The following SEMA5A variants were observed in gnomAD, a reference collection of about 807,000 sequenced individuals.
SEMA5A encodes semaphorin 5A.
Under a neutral mutation model 135.5 loss-of-function variants are expected in SEMA5A, and 55 were observed. That is an observed-to-expected ratio of 0.41 (90% confidence interval 0.33 to 0.51). The LOEUF is 0.51. SEMA5A is among the 20% of genes least tolerant of loss of function. The pLI, the probability that SEMA5A is intolerant of heterozygous loss-of-function variation, is 0.37. For missense variants in SEMA5A, 1,290 were observed against 1,419.9 expected (o/e 0.91, Z 1.47); for synonymous variants, 580 against 546.5 (o/e 1.06, Z -0.85).
intron 2 of SEMA5A, among the ~76,000 whole-genome samples, chr5:9,428,309 C>T (rs185982880): frequency 3.9e-5 from 6 of 152,226 alleles, no homozygotes; most frequent in Non-Finnish European, 7.4e-5. Context: ...GAGCTTGGCT[C>T]ACCCCACAAC....
At chr5:9,115,954 A>G (rs940493700) in intron 15 of SEMA5A, among the ~76,000 whole-genome samples, 1 of 152,202 alleles carries the variant, frequency 6.6e-6, no homozygotes, top group Non-Finnish European at 1.5e-5. Flanking sequence ...TGGATTTTAA[A>G]AGGCAAGTGA....
rs375296601 is a variant in SEMA5A, at chr5:9,532,690, G to A, written c.-175+12894C>T. 1.1e-4 allele frequency among the ~76,000 whole-genome samples: 17 copies of A among 152,298 alleles called. No homozygotes were observed. The East Asian group carries it at 1.7e-3, about 16-fold the overall frequency. On this transcript the variant is annotated intron_variant, in intron 1 of 22. Transcript: ENST00000382496. ...ATTTGTCTCTCCGATGATTGGGGAC[G>A]AGTGTTATCACAGATCTTTTCACAG...
At chr5:9,387,988 A>G (rs1755970954) in intron 2 of SEMA5A, among the ~76,000 whole-genome samples, 2 of 152,200 alleles carry the variant, frequency 1.3e-5, no homozygotes, top group African/African-American at 4.8e-5. Flanking sequence ...GAAGTTTGTC[A>G]TAAATGAATT....
At chr5:9,161,950 A>ATCCTT (rs1157754711) in intron 11 of SEMA5A, among the ~76,000 whole-genome samples, 1 of 152,198 alleles carries the variant, frequency 6.6e-6, no homozygotes, top group Non-Finnish European at 1.5e-5. Context: ...TGGTCTCTAA[A>ATCCTT]TCCTTACCTG....
intron 11 of SEMA5A, among the ~76,000 whole-genome samples, chr5:9,170,603 T>C (rs1743864260): frequency 1.3e-5 from 2 of 152,020 alleles, no homozygotes. Context: ...ATTCATGCCC[T>C]TATAAAATAG....
chr5:9,173,976 G>A (rs903802019), intron 11 of SEMA5A, among the ~76,000 whole-genome samples: 4 of 152,244 alleles, frequency 2.6e-5, no homozygotes, highest in South Asian at 2.1e-4. Context: ...CTTAAGAAAC[G>A]TAGTGTTGGA....
chr5:9,472,565 G>A (rs1291533465), intron 1 of SEMA5A, among the ~76,000 whole-genome samples: 1 of 152,188 alleles, frequency 6.6e-6, no homozygotes, highest in Non-Finnish European at 1.5e-5. Context: ...GTCTAAAATG[G>A]CAGATCCTGA....
intron 2 of SEMA5A, among the ~76,000 whole-genome samples, chr5:9,435,395 A>G (rs1757993522): frequency 6.6e-6 from 1 of 152,194 alleles, no homozygotes; most frequent in African/African-American, 2.4e-5. Flanking sequence ...CCAGGCCCTA[A>G]TTTGAGCAAA....
chr5:9,128,904 C>G (rs1235051867), intron 13 of SEMA5A, among the ~76,000 whole-genome samples: 2 of 152,092 alleles, frequency 1.3e-5, no homozygotes, highest in Admixed American at 6.6e-5. Context: ...TGGCCTCCAC[C>G]CACTGGATGC....
chr5:9,485,808 A>G (rs1209809146), intron 1 of SEMA5A, among the ~76,000 whole-genome samples: 1 of 152,200 alleles, frequency 6.6e-6, no homozygotes, highest in Non-Finnish European at 1.5e-5. Context: ...CAACATCAAA[A>G]TAAAGAGGCA....
At chr5:9,320,712 T>C (rs991622240) in intron 4 of SEMA5A, among the ~76,000 whole-genome samples, 3 of 152,160 alleles carry the variant, frequency 2.0e-5, no homozygotes, top group Non-Finnish European at 4.4e-5. Flanking sequence ...AGAGAGATCC[T>C]GTCTCAACAA....
At chr5:9,400,206 C>T (rs1417110714) in intron 2 of SEMA5A, among the ~76,000 whole-genome samples, 1 of 152,036 alleles carries the variant, frequency 6.6e-6, no homozygotes, top group Non-Finnish European at 1.5e-5. Flanking sequence ...ATACCTAATG[C>T]ATGTAGGGCT....
chr5:9,174,240 T>G (rs888714952), intron 11 of SEMA5A, among the ~76,000 whole-genome samples: 3 of 152,186 alleles, frequency 2.0e-5, no homozygotes, highest in African/African-American at 4.8e-5. Context: ...TTCTAAGTGT[T>G]AATTTGCTGG....
chr5:9,400,995 C>T (rs1469887529), intron 2 of SEMA5A, among the ~76,000 whole-genome samples: 1 of 152,048 alleles, frequency 6.6e-6, no homozygotes, highest in Non-Finnish European at 1.5e-5. Flanking sequence ...ACCTCAGGAA[C>T]TCACTCTCCT....
At chr5:9,298,884 C>T (rs1436299126) in intron 5 of SEMA5A, among the ~76,000 whole-genome samples, 1 of 152,142 alleles carries the variant, frequency 6.6e-6, no homozygotes, top group Non-Finnish European at 1.5e-5. Flanking sequence ...ATTATCACAG[C>T]ATTTCAGTAA....
intron 1 of SEMA5A, among the ~76,000 whole-genome samples, chr5:9,479,245 A>G (rs1465569743): frequency 6.6e-6 from 1 of 152,124 alleles, no homozygotes; most frequent in East Asian, 1.9e-4. Context: ...ACTAATCTAC[A>G]TGGTGACACA....
intron 11 of SEMA5A, among the ~76,000 whole-genome samples, chr5:9,159,205 A>C (rs974828337): frequency 6.6e-6 from 1 of 152,230 alleles, no homozygotes; most frequent in Non-Finnish European, 1.5e-5. Flanking sequence ...CATATTTTCT[A>C]TGAACTGGTT....
At chr5:9,253,059 A>G (rs1748884357) in intron 5 of SEMA5A, among the ~76,000 whole-genome samples, 1 of 152,102 alleles carries the variant, frequency 6.6e-6, no homozygotes, top group Non-Finnish European at 1.5e-5. Context: ...TAACACAACA[A>G]TTTATGGAAG....
chr5:9,524,608 A>G (rs1579684712), intron 1 of SEMA5A, among the ~76,000 whole-genome samples: 1 of 152,092 alleles, frequency 6.6e-6, no homozygotes, highest in East Asian at 1.9e-4. Context: ...CAAGAGAATA[A>G]CTTCTCTTGC....
Sources: allele counts gnomAD v4.1 joint callset (sites outside exome capture counted in the v4.1 genomes callset), GRCh38; gene constraint gnomAD v4.1.1; transcripts MANE v1.5; gene names NCBI Gene and HGNC (gene_info 2026-07-23, HGNC 2026-07-21).